RALGAPA1: variants seen among roughly 807,000 people sequenced by gnomAD.
RALGAPA1 encodes the protein Ral GTPase activating protein catalytic subunit alpha 1.
A neutral mutation model predicts 269.6 loss-of-function variants in RALGAPA1; 52 were observed. The observed-to-expected ratio is 0.19, with a 90% CI of 0.15 to 0.24. RALGAPA1 has a LOEUF of 0.24. Among genes scored for constraint, RALGAPA1 ranks in the 10% least tolerant of loss-of-function variants. The pLI is 1.00. For synonymous variants in RALGAPA1, 817 were observed against 1,008.3 expected (o/e 0.81, Z 3.60); for missense variants, 1,917 against 3,013.9 (o/e 0.64, Z 8.52).
At chr14:35,690,198 A>G (rs561472771) in intron 17 of RALGAPA1, among the ~76,000 whole-genome samples, 195 bp from the exon 18 acceptor site, 1 of 152,344 alleles carries the variant, frequency 6.6e-6, no homozygotes, top group South Asian at 2.1e-4. Context: ...TGTAGTGTCA[A>G]TGAATTAGAA....
chr14:35,748,846 A>AG (rs747084649), intron 9 of RALGAPA1, 22 bp from the exon 10 acceptor site: 1 of 1,559,430 alleles, frequency 6.4e-7, no homozygotes, highest in Non-Finnish European at 8.6e-7. Flanking sequence ...AAAAAAAAAA[A>AG]AAAGAGAGAA....
intron 17 of RALGAPA1, 88 bp downstream of exon 17, chr14:35,700,074 T>C: frequency 3.3e-6 from 4 of 1,213,246 alleles, no homozygotes; most frequent in Non-Finnish European, 4.4e-6. Context: ...AAATTAACTT[T>C]AAAGAGTTTA....
At chr14:35,781,211 AGAG>A (rs1166806565) in intron 1 of RALGAPA1, among the ~76,000 whole-genome samples, 3 of 152,222 alleles carry the variant, frequency 2.0e-5, no homozygotes, top group Non-Finnish European at 4.4e-5. Flanking sequence ...AAAAATTATA[AGAG>A]GATACTATGA....
At chr14:35,695,150 T>A (rs1039369956) in intron 17 of RALGAPA1, among the ~76,000 whole-genome samples, 3 of 151,910 alleles carry the variant, frequency 2.0e-5, no homozygotes, top group Non-Finnish European at 4.4e-5. Flanking sequence ...GGAGGAATGC[T>A]GGAGCCCAGG....
chr14:35,696,749 T>G (rs2140541278), intron 17 of RALGAPA1, among the ~76,000 whole-genome samples: 1 of 152,336 alleles, frequency 6.6e-6, no homozygotes, highest in South Asian at 2.1e-4. Flanking sequence ...GGTTTTTTTT[T>G]GGTGAAGTAG....
rs1459224094 is a variant in RALGAPA1 at position 35,659,149 on chromosome 14, A to G, written c.5376T>C (p.Ser1792=). The G allele has an allele frequency of 1.2e-6, 2 of 1,610,334 alleles. No individual in the cohort carries two copies. Among genetic ancestry groups the G allele is most frequent in the East Asian group, 2.2e-5 (1 of 44,680 alleles). ...TVLSSARDEP[S]GPARCVALCS... The stretch of plus-strand genomic sequence containing the variant: ...AATATCCGACCTACCGTGCAGGACC[A>G]GAGGGCTCATCTCTTGCCGAGCTTA... Residue 1792 remains serine (S), a synonymous_variant, in exon 28 of 42, where the codon TCT becomes TCC. Transcript: ENST00000680220.
intron 33 of RALGAPA1, among the ~76,000 whole-genome samples, chr14:35,631,682 G>A (rs2139682708): frequency 6.6e-6 from 1 of 152,172 alleles, no homozygotes; most frequent in East Asian, 1.9e-4. Context: ...CTTGCTCTGT[G>A]ATTCATGATC....
intron 37 of RALGAPA1, among the ~76,000 whole-genome samples, chr14:35,574,371 T>C (rs530225498): frequency 6.0e-4 from 92 of 152,344 alleles, no homozygotes; most frequent in African/African-American, 2.1e-3. Flanking sequence ...ATCTTCTGTA[T>C]AGTATTAAAA....
chr14:35,715,625 A>G, intron 16 of RALGAPA1: 3 of 624,044 alleles, frequency 4.8e-6, no homozygotes, highest in Non-Finnish European at 6.0e-6. Flanking sequence ...AATCTGTGGA[A>G]TTTCTGGAGG....
intron 35 of RALGAPA1, among the ~76,000 whole-genome samples, chr14:35,612,688 G>A (rs999468968): frequency 7.9e-5 from 12 of 151,604 alleles, no homozygotes; most frequent in African/African-American, 1.5e-4. Context: ...ACAGGCGCCC[G>A]CCACCACGCC....
intron 35 of RALGAPA1, among the ~76,000 whole-genome samples, chr14:35,621,522 TTAAAC>T (rs2060626519): frequency 6.6e-6 from 1 of 152,080 alleles, no homozygotes; most frequent in African/African-American, 2.4e-5. Context: ...TGGGATCTGA[TTAAAC>T]TAAAGAGCTT....
chr14:35,806,163 A>C (rs1485937090), intron 1 of RALGAPA1, among the ~76,000 whole-genome samples: 1 of 152,220 alleles, frequency 6.6e-6, no homozygotes, highest in Non-Finnish European at 1.5e-5. Context: ...AGCTGTCAGA[A>C]TTATTTAACA....
chr14:35,680,594 T>G (rs2065344817), intron 21 of RALGAPA1, among the ~76,000 whole-genome samples: 1 of 151,732 alleles, frequency 6.6e-6, no homozygotes. Flanking sequence ...ATTTATTTAT[T>G]TATTTATTTA....
chr14:35,771,414 C>CA (rs2074610277), intron 3 of RALGAPA1, among the ~76,000 whole-genome samples: 1 of 151,858 alleles, frequency 6.6e-6, no homozygotes, highest in Non-Finnish European at 1.5e-5. Flanking sequence ...CAAAACAAAA[C>CA]AAACAAACAA....
At chr14:35,572,135 A>T (rs1237084871) in intron 38 of RALGAPA1, among the ~76,000 whole-genome samples, 1 of 152,222 alleles carries the variant, frequency 6.6e-6, no homozygotes, top group African/African-American at 2.4e-5. Flanking sequence ...CAATTTGTAG[A>T]ATCCTCATTT....
intron 1 of RALGAPA1, among the ~76,000 whole-genome samples, chr14:35,783,038 G>A (rs943694355): frequency 2.0e-5 from 3 of 151,844 alleles, no homozygotes; most frequent in African/African-American, 7.3e-5. Context: ...TGCCCAGGCT[G>A]GTCTCAAACT....
chr14:35,634,047 C>A (rs1566881586), intron 33 of RALGAPA1, among the ~76,000 whole-genome samples: 1 of 152,004 alleles, frequency 6.6e-6, no homozygotes, highest in Admixed American at 6.5e-5. Flanking sequence ...AATTGAGAGT[C>A]AAAATTCAGG....
intron 41 of RALGAPA1, among the ~76,000 whole-genome samples, chr14:35,542,994 G>T (rs1840610510): frequency 1.3e-5 from 2 of 152,150 alleles, no homozygotes; most frequent in Non-Finnish European, 2.9e-5. Flanking sequence ...GTTTAAAGCT[G>T]CTAATTATTG....
At chr14:35,768,418 G>C (rs1279366574) in intron 4 of RALGAPA1, among the ~76,000 whole-genome samples, 2 of 152,124 alleles carry the variant, frequency 1.3e-5, no homozygotes, top group African/African-American at 2.4e-5. Flanking sequence ...GGTTGAGTAT[G>C]ATGGCTCACA....
Sources: allele counts gnomAD v4.1 joint callset (sites outside exome capture counted in the v4.1 genomes callset), GRCh38; gene constraint gnomAD v4.1.1; transcripts MANE v1.5; gene names NCBI Gene and HGNC (gene_info 2026-07-23, HGNC 2026-07-21).